CNBD1: variants seen among roughly 807,000 people sequenced by gnomAD.
CNBD1 encodes the protein cyclic nucleotide binding domain containing 1, also known as cyclic nucleotide-binding domain-containing protein 1.
A neutral mutation model predicts 54.4 loss-of-function variants in CNBD1; 71 were observed. The observed-to-expected ratio is 1.30, with a 90% CI of 1.08 to 1.59. The LOEUF is 1.59. CNBD1 is among the 40% of genes most tolerant of loss of function. The probability of loss-of-function intolerance (pLI) is 0.00; values close to 1 mark genes in which losing one functional copy is unlikely to be tolerated. For synonymous variants in CNBD1, 182 were observed against 170.7 expected (o/e 1.07, Z -0.51); for missense variants, 659 against 518.0 (o/e 1.27, Z -2.64).
At chr8:87,120,267 C>T (rs1811863275) in intron 4 of CNBD1, among the ~76,000 whole-genome samples, 1 of 151,946 alleles carries the variant, frequency 6.6e-6, no homozygotes, top group Non-Finnish European at 1.5e-5. Context: ...TTGGTCTGTT[C>T]AGGTTTTCTA....
Position 87,376,970 on chromosome 8 carries a change from CT to C in CNBD1, c.1304-5649del, listed in dbSNP as rs1586061436. On this transcript the variant is annotated intron_variant, in intron 10 of 10. Transcript: ENST00000518476. ...ACATCTTGGAACCCAAATATTCTGG[CT>C]CATATACAATACTAAGTGTTGATAT... 2.0e-5 allele frequency among the ~76,000 whole-genome samples: 3 copies of C among 149,756 alleles called. No homozygotes were observed. In the East Asian group the frequency reaches 5.9e-4, roughly 29 times the overall value.
intron 5 of CNBD1, among the ~76,000 whole-genome samples, chr8:87,218,748 T>G (rs1011549444): frequency 2.6e-5 from 4 of 152,002 alleles, no homozygotes; most frequent in African/African-American, 9.7e-5. Flanking sequence ...ATTGAAATGT[T>G]TTAAAAGTAA....
In CNBD1 at chr8:87,329,189, C is replaced by T. The variant is rs561391677; in HGVS notation, c.1043-22496C>T. 3.3e-5 allele frequency among the ~76,000 whole-genome samples: 5 copies of T among 152,226 alleles called. No homozygotes were observed. In the East Asian group the frequency reaches 9.6e-4, roughly 29 times the overall value. ...TTCTTTGGAAAGACTACCTACTGTACTGCCTTTGTTCTGTTTTCAAGGATC... is the reference window on the plus strand; with the variant it reads ...TTCTTTGGAAAGACTACCTACTGTATTGCCTTTGTTCTGTTTTCAAGGATC... On this transcript the variant is annotated intron_variant, in intron 8 of 10. Coordinates refer to ENST00000518476, the MANE Select transcript of CNBD1 (RefSeq NM_173538.3).
chr8:87,220,814 G>T (rs1814316813), intron 5 of CNBD1, among the ~76,000 whole-genome samples: 1 of 151,690 alleles, frequency 6.6e-6, no homozygotes, highest in Non-Finnish European at 1.5e-5. Flanking sequence ...ATTTATGACA[G>T]ATTTCTAAAG....
chr8:87,129,786 T>C (rs1203766270), intron 4 of CNBD1, among the ~76,000 whole-genome samples: 1 of 152,160 alleles, frequency 6.6e-6, no homozygotes, highest in Non-Finnish European at 1.5e-5. Flanking sequence ...CTCTTTTTTG[T>C]TTTTTTGACC....
chr8:86,886,752 C>T (rs1452424553), intron 1 of CNBD1, among the ~76,000 whole-genome samples: 7 of 152,136 alleles, frequency 4.6e-5, no homozygotes, highest in Non-Finnish European at 5.9e-5. Flanking sequence ...TTCTCAATAA[C>T]TTTTCACTAA....
intron 4 of CNBD1, among the ~76,000 whole-genome samples, chr8:87,103,709 T>G (rs995813492): frequency 6.6e-6 from 1 of 152,200 alleles, no homozygotes; most frequent in African/African-American, 2.4e-5. Context: ...TACTTCCCAC[T>G]GGGTCCCACC....
At chr8:86,964,608 AG>A (rs1808022312) in intron 4 of CNBD1, among the ~76,000 whole-genome samples, 5 of 152,212 alleles carry the variant, frequency 3.3e-5, no homozygotes, top group Admixed American at 3.3e-4. Context: ...TGAAGAGAAA[AG>A]GGGACCCGAA....
chr8:87,079,925 T>G (rs1810954136), intron 4 of CNBD1, among the ~76,000 whole-genome samples: 1 of 152,226 alleles, frequency 6.6e-6, no homozygotes, highest in Non-Finnish European at 1.5e-5. Flanking sequence ...TTTTCTCATT[T>G]TTTTCTTCCA....
At chr8:87,278,897 G>T (rs1563535753) in intron 6 of CNBD1, among the ~76,000 whole-genome samples, 1 of 151,520 alleles carries the variant, frequency 6.6e-6, no homozygotes, top group East Asian at 1.9e-4. Context: ...TTGCCTTTCT[G>T]AGAAGTGGAA....
chr8:87,400,048 C>T (rs563285934), intron 2 of CNBD1, among the ~76,000 whole-genome samples: 10 of 151,968 alleles, frequency 6.6e-5, no homozygotes, highest in South Asian at 4.2e-4. Context: ...TCAGTGGTCA[C>T]GGCACCAGCA....
chr8:87,219,584 C>G (rs1814282645), intron 5 of CNBD1, among the ~76,000 whole-genome samples: 3 of 151,894 alleles, frequency 2.0e-5, no homozygotes, highest in African/African-American at 7.3e-5. Flanking sequence ...TATAGTAACT[C>G]TAAGTACACA....
intron 4 of CNBD1, among the ~76,000 whole-genome samples, chr8:87,153,160 CTA>C (rs1812642530): frequency 6.6e-6 from 1 of 152,052 alleles, no homozygotes; most frequent in Non-Finnish European, 1.5e-5. Context: ...AATAGAAAAG[CTA>C]TAGTTACCCA....
chr8:87,408,552 G>T (rs79166798), intron 2 of CNBD1, among the ~76,000 whole-genome samples: 24 of 151,314 alleles, frequency 1.6e-4, no homozygotes, highest in Non-Finnish European at 2.5e-4. Context: ...TTTTCTTTTC[G>T]TCTCTCAGTA....
At chr8:87,402,069 A>C (rs1395734729) in intron 2 of CNBD1, among the ~76,000 whole-genome samples, 1 of 152,072 alleles carries the variant, frequency 6.6e-6, no homozygotes, top group Non-Finnish European at 1.5e-5. Flanking sequence ...GGGAGACCTC[A>C]CAATCATGGT....
chr8:87,346,760 G>A (rs1810183886), intron 8 of CNBD1, among the ~76,000 whole-genome samples: 1 of 152,102 alleles, frequency 6.6e-6, no homozygotes, highest in African/African-American at 2.4e-5. Context: ...ATTCTTTGAA[G>A]CTTGGGATAA....
intron 10 of CNBD1, among the ~76,000 whole-genome samples, chr8:87,360,899 T>C (rs1046417779): frequency 2.0e-5 from 3 of 151,430 alleles, no homozygotes; most frequent in African/African-American, 4.8e-5. Context: ...GAGGTCAGAG[T>C]TTTTACTGCA....
At chr8:87,040,349 C>T (rs1236948756) in intron 4 of CNBD1, among the ~76,000 whole-genome samples, 10 of 151,266 alleles carry the variant, frequency 6.6e-5, no homozygotes, top group Admixed American at 6.6e-4. Context: ...TTTTCAGTTA[C>T]AATTTTGCAA....
At chr8:87,277,292 C>G (rs993478804) in intron 6 of CNBD1, among the ~76,000 whole-genome samples, 5 of 151,604 alleles carry the variant, frequency 3.3e-5, no homozygotes, top group Non-Finnish European at 7.4e-5. Flanking sequence ...GAAGGTCAGC[C>G]TTTTATGCTA....
Sources: allele counts gnomAD v4.1 joint callset (sites outside exome capture counted in the v4.1 genomes callset), GRCh38; gene constraint gnomAD v4.1.1; transcripts MANE v1.5; gene names NCBI Gene and HGNC (gene_info 2026-07-23, HGNC 2026-07-21).